SLC4A4: variants seen among roughly 807,000 people sequenced by gnomAD.
SLC4A4 encodes the protein solute carrier family 4 member 4, also known as electrogenic sodium bicarbonate cotransporter 1.
Under a neutral mutation model 111.5 loss-of-function variants are expected in SLC4A4, and 27 were observed. The observed-to-expected ratio is 0.24, with a 90% CI of 0.18 to 0.33. The LOEUF is 0.33. Among genes scored for constraint, SLC4A4 ranks in the 10% least tolerant of loss-of-function variants. SLC4A4 has a pLI of 1.00. For synonymous variants in SLC4A4, 443 were observed against 463.4 expected, an observed-to-expected ratio of 0.96 and a Z score of 0.57; for missense variants, 909 against 1,315.5, an observed-to-expected ratio of 0.69 and a Z score of 4.78.
intron 6 of SLC4A4, among the ~76,000 whole-genome samples, chr4:71,378,184 A>G (rs1732596630): frequency 6.6e-6 from 1 of 152,198 alleles, no homozygotes; most frequent in Non-Finnish European, 1.5e-5. Flanking sequence ...CCATGTGTCC[A>G]CATCTCACTT....
At chr4:71,167,504 T>G (rs1275576645) in intron 2 of SLC4A4, among the ~76,000 whole-genome samples, 1 of 152,118 alleles carries the variant, frequency 6.6e-6, no homozygotes, top group South Asian at 2.1e-4. Context: ...GATGTGGAAG[T>G]GGAGATGTTA....
intron 14 of SLC4A4, among the ~76,000 whole-genome samples, chr4:71,484,620 C>A (rs1422536743): frequency 3.3e-5 from 5 of 150,932 alleles, no homozygotes; most frequent in African/African-American, 1.2e-4. Context: ...CAGCCTTGTT[C>A]TTTTTGGCTA....
At chr4:71,308,010 C>G (rs1725828286) in intron 3 of SLC4A4, among the ~76,000 whole-genome samples, 1 of 152,062 alleles carries the variant, frequency 6.6e-6, no homozygotes, top group South Asian at 2.1e-4. Context: ...TTGCAGCCCT[C>G]AATACTTTTC....
chr4:71,408,384 A>G (rs1721061651), intron 7 of SLC4A4, among the ~76,000 whole-genome samples: 1 of 152,180 alleles, frequency 6.6e-6, no homozygotes, highest in African/African-American at 2.4e-5. Context: ...ACACTTCAAA[A>G]TGTTATATAA....
intron 16 of SLC4A4, among the ~76,000 whole-genome samples, chr4:71,517,648 C>T (rs1043369579): frequency 1.3e-5 from 2 of 151,734 alleles, no homozygotes; most frequent in African/African-American, 4.8e-5. Flanking sequence ...TTATTTTTTC[C>T]TTTAGTGGTG....
intron 2 of SLC4A4, among the ~76,000 whole-genome samples, chr4:71,178,256 G>T (rs1409281800): frequency 1.3e-5 from 2 of 149,806 alleles, no homozygotes; most frequent in Non-Finnish European, 3.0e-5. Flanking sequence ...ACCCTAATGT[G>T]CACATGTACC....
intron 3 of SLC4A4, among the ~76,000 whole-genome samples, chr4:71,328,910 A>C (rs1727719618): frequency 6.6e-6 from 1 of 152,014 alleles, no homozygotes; most frequent in African/African-American, 2.4e-5. Flanking sequence ...AATATCCTGG[A>C]GTTTCCCCAA....
At chr4:71,351,918 G>A (rs1431260088) in intron 5 of SLC4A4, among the ~76,000 whole-genome samples, 4 of 152,088 alleles carry the variant, frequency 2.6e-5, no homozygotes, top group African/African-American at 7.2e-5. Context: ...AGAAAATAAT[G>A]GAGGAAACAA....
intron 2 of SLC4A4, among the ~76,000 whole-genome samples, chr4:71,174,401 C>A (rs991595356): frequency 1.3e-5 from 2 of 152,006 alleles, no homozygotes; most frequent in African/African-American, 4.8e-5. Flanking sequence ...CAGGTGTGCA[C>A]CACTACGCCC....
chr4:71,273,916 A>G (rs1266400204), intron 3 of SLC4A4, among the ~76,000 whole-genome samples: 2 of 152,188 alleles, frequency 1.3e-5, no homozygotes, highest in Non-Finnish European at 2.9e-5. Flanking sequence ...TGATTAAATG[A>G]GATAATCAAT....
chr4:71,333,538 T>C (rs1728187191), intron 3 of SLC4A4, among the ~76,000 whole-genome samples: 1 of 152,232 alleles, frequency 6.6e-6, no homozygotes, highest in South Asian at 2.1e-4. Flanking sequence ...ATTGTTTGGC[T>C]ACCACCAATG....
At chr4:71,379,203 T>C (rs1005979935) in intron 6 of SLC4A4, among the ~76,000 whole-genome samples, 7 of 152,198 alleles carry the variant, frequency 4.6e-5, no homozygotes, top group Non-Finnish European at 8.8e-5. Context: ...CTATCATTTT[T>C]AAACTCAGGT....
At chr4:71,226,450 G>A (rs1211052516) in intron 1 of SLC4A4, among the ~76,000 whole-genome samples, 2 of 152,280 alleles carry the variant, frequency 1.3e-5, no homozygotes, top group South Asian at 2.1e-4. Context: ...TAGCAGACAA[G>A]GGGAAATTCT....
At chr4:71,506,487 A>T (rs1410730672) in intron 16 of SLC4A4, among the ~76,000 whole-genome samples, 1 of 151,908 alleles carries the variant, frequency 6.6e-6, no homozygotes, top group Admixed American at 6.6e-5. Context: ...TTGGCTTTCG[A>T]CTTTCCTGTG....
At chr4:71,567,135 G>A in intron 25 of SLC4A4, 52 bp downstream of exon 25, 2 of 1,374,920 alleles carry the variant, frequency 1.5e-6, no homozygotes, top group Non-Finnish European at 2.1e-6. Context: ...TTGCCCCACA[G>A]AAATGTAGTT....
intron 3 of SLC4A4, among the ~76,000 whole-genome samples, chr4:71,318,570 T>A (rs1389988068): frequency 6.6e-6 from 1 of 152,010 alleles, no homozygotes; most frequent in African/African-American, 2.4e-5. Flanking sequence ...AAAAACCAAT[T>A]AGAAATTGAC....
chr4:71,411,958 A>G (rs1468526728), intron 7 of SLC4A4, among the ~76,000 whole-genome samples: 2 of 152,244 alleles, frequency 1.3e-5, no homozygotes, highest in Admixed American at 1.3e-4. Flanking sequence ...TAAAAGTGGA[A>G]GAGGTTTCTA....
rs543090913 is a variant in SLC4A4 at position 71,504,209 on chromosome 4, CT to C, written c.2166+6520del. On this transcript the variant is annotated intron_variant, in intron 16 of 25. Coordinates refer to ENST00000264485, the MANE Select transcript of SLC4A4 (RefSeq NM_001098484.3). The stretch of plus-strand genomic sequence containing the variant: ...CAGGACATCCATATTTCTCCCAAGA[CT>C]TTGAGGTTTTCAGTCATTATTTTGT... 2.0e-5 allele frequency among the ~76,000 whole-genome samples: 3 copies of C among 152,246 alleles called. No homozygotes were observed. In the South Asian group the frequency reaches 6.2e-4, roughly 32 times the overall value.
upstream of SLC4A4, among the ~76,000 whole-genome samples, chr4:71,184,998 C>T (rs573075712): frequency 3.8e-4 from 58 of 152,128 alleles, no homozygotes; most frequent in Non-Finnish European, 6.6e-4. Context: ...CTCTATAGTA[C>T]TCTCATTGTC....
Sources: allele counts gnomAD v4.1 joint callset (sites outside exome capture counted in the v4.1 genomes callset), GRCh38; gene constraint gnomAD v4.1.1; transcripts MANE v1.5; gene names NCBI Gene and HGNC (gene_info 2026-07-23, HGNC 2026-07-21).